The following PTPRG variants were observed in gnomAD, a reference collection of about 807,000 sequenced individuals.
PTPRG encodes receptor-type tyrosine-protein phosphatase gamma.
A neutral mutation model predicts 165.3 loss-of-function variants in PTPRG; 102 were observed. That is an observed-to-expected ratio of 0.62 (90% CI 0.53 to 0.73). PTPRG has a LOEUF of 0.73. Among genes scored for constraint, PTPRG ranks in the 30% least tolerant of loss-of-function variants. The probability of loss-of-function intolerance (pLI) is 0.00; values close to 1 mark genes in which losing one functional copy is unlikely to be tolerated. For missense variants in PTPRG, 1,866 were observed against 1,861.4 expected, an observed-to-expected ratio of 1.00 and a Z score of -0.05; for synonymous variants, 675 against 669.5, an observed-to-expected ratio of 1.01 and a Z score of -0.13.
intron 2 of PTPRG, among the ~76,000 whole-genome samples, chr3:61,960,661 GT>G (rs1272276158): frequency 6.6e-6 from 1 of 152,072 alleles, no homozygotes; most frequent in Admixed American, 6.6e-5. Flanking sequence ...CAAGGGTGGG[GT>G]TTTTTGATGA....
At chr3:62,150,671 T>TAA (rs961224030) in intron 6 of PTPRG, among the ~76,000 whole-genome samples, 1 of 148,858 alleles carries the variant, frequency 6.7e-6, no homozygotes. Context: ...GCTTTTCCTC[T>TAA]AAAAAAAAAA....
intron 4 of PTPRG, among the ~76,000 whole-genome samples, chr3:62,026,644 T>C (rs901652186): frequency 1.2e-4 from 19 of 152,212 alleles, no homozygotes; most frequent in Admixed American, 9.8e-4. Context: ...TCCAGGACTT[T>C]GGGAGGCCAA....
intron 1 of PTPRG, among the ~76,000 whole-genome samples, chr3:61,611,735 A>G (rs1701174014): frequency 6.6e-6 from 1 of 152,222 alleles, no homozygotes; most frequent in African/African-American, 2.4e-5. Context: ...AGAAGTAGCC[A>G]CAGACAGTAC....
rs1464610368 is a variant in PTPRG at position 61,822,679 on chromosome 3, A to G, written c.190+73697A>G. On this transcript the variant is annotated intron_variant, in intron 2 of 29. Coordinates refer to ENST00000474889, the MANE Select transcript of PTPRG (RefSeq NM_002841.4). ...AGCCTAGAGATTTTCTTTCCAATTT[A>G]AGCAAGGAGGAATTTTCCAATGTGA... Among the ~76,000 whole-genome samples the G allele has an allele frequency of 2.0e-5, 3 of 152,226 alleles. No individual in the cohort carries two copies. The East Asian group carries it at 5.8e-4, about 29-fold the overall frequency.
intron 2 of PTPRG, among the ~76,000 whole-genome samples, chr3:61,898,108 A>C (rs1302061656): frequency 6.6e-6 from 1 of 152,198 alleles, no homozygotes; most frequent in African/African-American, 2.4e-5. Flanking sequence ...TAGTGAGAGC[A>C]CACATCCTTG....
Position 62,172,346 on chromosome 3 carries a change from A to G in PTPRG, c.1033+4183A>G, listed in dbSNP as rs28504049. ...TCAAACTATTTTCCAAAGTGGTGGCATCAGTTTACATTCCCATCAACAGTG... is the reference window on the plus strand; with the variant it reads ...TCAAACTATTTTCCAAAGTGGTGGCGTCAGTTTACATTCCCATCAACAGTG... On this transcript the variant is annotated intron_variant, in intron 8 of 29. Transcript: ENST00000474889. 9.8e-3 allele frequency among the ~76,000 whole-genome samples: 1,486 copies of G among 152,350 alleles called. 27 individuals are homozygous for G. Among genetic ancestry groups the G allele is most frequent in the African/African-American group, 0.034 (1,424 of 41,582 alleles).
intron 1 of PTPRG, among the ~76,000 whole-genome samples, chr3:61,698,261 A>C (rs1161936982): frequency 6.6e-6 from 1 of 152,120 alleles, no homozygotes; most frequent in African/African-American, 2.4e-5. Context: ...GGCACATAAG[A>C]GATAGTCAGT....
chr3:61,942,020 C>T (rs1035425531), intron 2 of PTPRG, among the ~76,000 whole-genome samples: 3 of 151,692 alleles, frequency 2.0e-5, no homozygotes, highest in Non-Finnish European at 1.5e-5. Context: ...ATTAGCCAGG[C>T]GCGGTGGCAG....
At chr3:62,230,139 C>G (rs1418451496) in intron 13 of PTPRG, among the ~76,000 whole-genome samples, 1 of 152,178 alleles carries the variant, frequency 6.6e-6, no homozygotes, top group Non-Finnish European at 1.5e-5. Flanking sequence ...CCCTTTTAAT[C>G]GTATTTCCAA....
At chr3:61,640,372 A>C (rs999160087) in intron 1 of PTPRG, among the ~76,000 whole-genome samples, 5 of 152,012 alleles carry the variant, frequency 3.3e-5, no homozygotes, top group African/African-American at 1.2e-4. Context: ...TCCAACACTA[A>C]AATGGGCTTT....
intron 1 of PTPRG, among the ~76,000 whole-genome samples, chr3:61,580,110 T>A (rs1700253745): frequency 6.6e-6 from 1 of 152,156 alleles, no homozygotes; most frequent in Admixed American, 6.5e-5. Flanking sequence ...GTAAGGCTTG[T>A]GGTCAACAGT....
chr3:62,079,088 T>TA (rs1379794445), intron 5 of PTPRG, among the ~76,000 whole-genome samples: 3 of 152,364 alleles, frequency 2.0e-5, no homozygotes, highest in African/African-American at 7.2e-5. Flanking sequence ...AAAGGAAAGT[T>TA]AAAGACATAA....
rs552567745 is a variant in PTPRG, at chr3:61,881,517, C to T, written c.191-108108C>T. 1.6e-4 allele frequency among the ~76,000 whole-genome samples: 25 copies of T among 152,240 alleles called. No individual in the cohort carries two copies. The South Asian group carries it at 5.0e-3, about 30-fold the overall frequency. The stretch of plus-strand genomic sequence containing the variant: ...TTAGGGACCCAAATAGACCATTTCA[C>T]CGTCACTGCATGCAGATCTGAAAGC... On this transcript the variant is annotated intron_variant, in intron 2 of 29. Transcript: ENST00000474889.
intron 2 of PTPRG, among the ~76,000 whole-genome samples, chr3:61,954,504 GC>G (rs1448269259): frequency 6.6e-6 from 1 of 152,142 alleles, no homozygotes. Context: ...GGTTTGTAGA[GC>G]CTTTCTATTA....
At chr3:61,755,066 G>T (rs2033588072) in intron 2 of PTPRG, among the ~76,000 whole-genome samples, 2 of 151,098 alleles carry the variant, frequency 1.3e-5, no homozygotes, top group East Asian at 2.0e-4. Context: ...TCCGCCTGTC[G>T]CCCTGATCTC....
rs1043716100 is a variant in PTPRG, at chr3:62,240,233, C to A, written c.2376-3574C>A. ...CCCAGCTACTTAGGAGGCTGAGGCA[C>A]GAGAGGCGTGAGAATCGCCCGAACC... On this transcript the variant is annotated intron_variant, in intron 14 of 29. Coordinates refer to ENST00000474889, the MANE Select transcript of PTPRG (RefSeq NM_002841.4). The surrounding 1 kb of genome is among the most constrained non-coding windows in gnomAD (Gnocchi z 5.1). 1.3e-5 allele frequency among the ~76,000 whole-genome samples: 2 copies of A among 152,084 alleles called. No homozygotes were observed. Among genetic ancestry groups the A allele is most frequent in the African/African-American group, 4.8e-5 (2 of 41,418 alleles).
chr3:62,011,359 C>T (rs114151337), intron 4 of PTPRG, among the ~76,000 whole-genome samples: 140 of 152,314 alleles, frequency 9.2e-4, no homozygotes, highest in African/African-American at 3.1e-3. Context: ...AGCTGGTTAA[C>T]TCCTTTCATA....
intron 1 of PTPRG, among the ~76,000 whole-genome samples, chr3:61,565,642 CCTCAG>C (rs1699893678): frequency 7.3e-5 from 11 of 150,576 alleles, no homozygotes; most frequent in Middle Eastern, 3.4e-3. Context: ...GTCTTTCGGC[CCTCAG>C]AGTGAAACTC....
At position 61,735,533 on chromosome 3, in the gene PTPRG, T is replaced by G. The variant is rs1029754362; in HGVS notation, c.86-13345T>G. Among the ~76,000 whole-genome samples the G allele has an allele frequency of 8.0e-4, 121 of 152,160 alleles. 1 individual carries two copies. The highest frequency in any genetic ancestry group is 2.9e-3 in the African/African-American group (120 of 41,554). On this transcript the variant is annotated intron_variant, in intron 1 of 29. Transcript: ENST00000474889. Reference sequence around the variant, plus strand: ...ATACTAACCCCAATTCCTTGAGTTTTTTTTTTTTTTTTCTTTGAAATGCCG... The same window carrying G: ...ATACTAACCCCAATTCCTTGAGTTTGTTTTTTTTTTTTCTTTGAAATGCCG...
Sources: allele counts gnomAD v4.1 joint callset (sites outside exome capture counted in the v4.1 genomes callset), GRCh38; gene constraint gnomAD v4.1.1; non-coding constraint Gnocchi (gnomAD v3.1); transcripts MANE v1.5; gene names NCBI Gene and HGNC (gene_info 2026-07-23, HGNC 2026-07-21).